The following CPNE5 variants were observed in gnomAD, a reference collection of about 807,000 sequenced individuals.
The protein encoded by CPNE5 is copine 5.
Under a neutral mutation model 81.1 loss-of-function variants are expected in CPNE5, and 42 were observed. The observed-to-expected ratio is 0.52, with a 90% CI of 0.40 to 0.67. The LOEUF (loss-of-function observed/expected upper bound fraction) is 0.67, where lower values mean the gene tolerates loss of function less well. Among genes scored for constraint, CPNE5 ranks in the 30% least tolerant of loss-of-function variants. CPNE5 has a pLI of 0.00. For missense variants in CPNE5, 612 were observed against 815.5 expected (o/e 0.75, Z 3.04); for synonymous variants, 313 against 321.5 (o/e 0.97, Z 0.28).
intron 1 of CPNE5, among the ~76,000 whole-genome samples, chr6:36,832,063 C>T (rs1773026942): frequency 6.6e-6 from 1 of 152,212 alleles, no homozygotes; most frequent in South Asian, 2.1e-4. Flanking sequence ...TTTGAAATCA[C>T]ACTAAGCCTT....
At chr6:36,836,386 G>C (rs1204079672) in intron 1 of CPNE5, among the ~76,000 whole-genome samples, 9 of 152,146 alleles carry the variant, frequency 5.9e-5, no homozygotes, top group Admixed American at 5.9e-4. Context: ...TCTGTGGTAG[G>C]GGAGTGGTAG....
At chr6:36,835,103 TGCTTC>T (rs1773364126) in intron 1 of CPNE5, among the ~76,000 whole-genome samples, 1 of 152,244 alleles carries the variant, frequency 6.6e-6, no homozygotes, top group Non-Finnish European at 1.5e-5. Flanking sequence ...AGCAATGGGC[TGCTTC>T]CAGACTCGCC....
At chr6:36,748,120 GCCAGAGA>G in intron 15 of CPNE5, 94 bp downstream of exon 15, 1 of 1,057,856 alleles carries the variant, frequency 9.5e-7, no homozygotes, top group Non-Finnish European at 1.5e-6. Flanking sequence ...TGAGGAAGAG[GCCAGAGA>G]GTATGAGGGT....
chr6:36,792,253 T>G (rs1412128816), intron 7 of CPNE5, 157 bp from the exon 8 acceptor site: 6 of 1,290,612 alleles, frequency 4.6e-6, no homozygotes, highest in Non-Finnish European at 6.5e-6. Flanking sequence ...CTGAGATCCT[T>G]GTGGCAGTGT....
chr6:36,756,504 T>A (rs1441429805), intron 12 of CPNE5, among the ~76,000 whole-genome samples: 1 of 152,154 alleles, frequency 6.6e-6, no homozygotes, highest in Non-Finnish European at 1.5e-5. Context: ...GGTTCTCCCA[T>A]CAGACCCAGG....
At chr6:36,744,125 G>T in intron 19 of CPNE5, 143 bp downstream of exon 19, 1 of 748,374 alleles carries the variant, frequency 1.3e-6, no homozygotes, top group Non-Finnish European at 2.3e-6. Context: ...CACTCACCCA[G>T]ACACACACGC....
chr6:36,770,870 A>C (rs1443592161), intron 10 of CPNE5, among the ~76,000 whole-genome samples: 1 of 151,946 alleles, frequency 6.6e-6, no homozygotes, highest in Non-Finnish European at 1.5e-5. Context: ...TTTTTTTAAA[A>C]ATGGGTTTCA....
At chr6:36,744,232 G>C (rs1302516295) in intron 19 of CPNE5, 36 bp downstream of exon 19, 1 of 1,541,994 alleles carries the variant, frequency 6.5e-7, no homozygotes, top group Non-Finnish European at 8.8e-7. Context: ...GCGTGGCTAG[G>C]GAAGGAAAGG....
chr6:36,833,531 T>C (rs1257188009), intron 1 of CPNE5, among the ~76,000 whole-genome samples: 1 of 152,174 alleles, frequency 6.6e-6, no homozygotes, highest in Non-Finnish European at 1.5e-5. Flanking sequence ...TTAGGAGAGA[T>C]TCTCCTGCTG....
chr6:36,822,051 T>C, intron 3 of CPNE5, 63 bp downstream of exon 3: 2 of 1,435,050 alleles, frequency 1.4e-6, no homozygotes, highest in African/African-American at 1.4e-5. Context: ...GCTCCCGAAT[T>C]AGAGACAGAC....
chr6:36,808,385 G>A (rs903225714), intron 3 of CPNE5, among the ~76,000 whole-genome samples: 4 of 152,222 alleles, frequency 2.6e-5, no homozygotes, highest in Admixed American at 1.3e-4. Context: ...ATGAGCCACT[G>A]TGCTCAACCT....
At chr6:36,823,151 C>A in intron 1 of CPNE5, 53 bp from the exon 2 acceptor site, 2 of 1,443,688 alleles carry the variant, frequency 1.4e-6, no homozygotes, top group Non-Finnish European at 1.9e-6. Flanking sequence ...GAGGAGGCGA[C>A]CTCAGGGGAT....
intron 3 of CPNE5, among the ~76,000 whole-genome samples, chr6:36,802,562 G>C (rs531447428): frequency 6.6e-6 from 1 of 151,988 alleles, no homozygotes; most frequent in African/African-American, 2.4e-5. Flanking sequence ...AGACAGGCAG[G>C]TGCAAAGCAA....
intron 12 of CPNE5, among the ~76,000 whole-genome samples, chr6:36,759,249 G>A (rs141488786): frequency 1.1e-3 from 160 of 152,312 alleles, no homozygotes; most frequent in Non-Finnish European, 1.9e-3. Context: ...TTAAAGCAAT[G>A]TTCTGTTCTC....
chr6:36,795,615 CAG>C (rs1437273580), intron 6 of CPNE5, among the ~76,000 whole-genome samples: 4 of 152,174 alleles, frequency 2.6e-5, no homozygotes, highest in Non-Finnish European at 5.9e-5. Flanking sequence ...TCTGAAGACA[CAG>C]AGATGAAAAA....
At chr6:36,781,540 C>T (rs1001211423) in intron 8 of CPNE5, among the ~76,000 whole-genome samples, 4 of 152,316 alleles carry the variant, frequency 2.6e-5, no homozygotes, top group African/African-American at 9.6e-5. Context: ...CCCTAGGCTT[C>T]TAAAGCAGCA....
intron 11 of CPNE5, among the ~76,000 whole-genome samples, chr6:36,764,948 A>G (rs937886386): frequency 1.4e-5 from 2 of 142,232 alleles, no homozygotes; most frequent in Non-Finnish European, 3.1e-5. Flanking sequence ...CACGCGGAAA[A>G]TGTGTCCATG....
At chr6:36,774,049 C>T (rs1767278934) in intron 10 of CPNE5, among the ~76,000 whole-genome samples, 1 of 150,310 alleles carries the variant, frequency 6.7e-6, no homozygotes, top group Non-Finnish European at 1.5e-5. Context: ...CCCTTCACTC[C>T]AGCCTGGGTG....
intron 9 of CPNE5, among the ~76,000 whole-genome samples, chr6:36,776,124 C>G (rs1288774901): frequency 6.6e-6 from 1 of 152,154 alleles, no homozygotes; most frequent in African/African-American, 2.4e-5. Flanking sequence ...TTGGCTGGAC[C>G]CATCCTGGAG....
Sources: allele counts gnomAD v4.1 joint callset (sites outside exome capture counted in the v4.1 genomes callset), GRCh38; gene constraint gnomAD v4.1.1; transcripts MANE v1.5; gene names NCBI Gene and HGNC (gene_info 2026-07-23, HGNC 2026-07-21).